Variants in TTLL11 observed in about 807,000 individuals in gnomAD.
TTLL11 encodes the protein tubulin tyrosine ligase like 11.
In TTLL11, 42 loss-of-function variants were observed where a neutral mutation model predicts 51.7. The observed-to-expected ratio is 0.81, with a 90% confidence interval of 0.64 to 1.05. The LOEUF is 1.05. TTLL11 is among the 50% of genes least tolerant of loss of function. The probability of loss-of-function intolerance (pLI) is 0.00; values close to 1 mark genes in which losing one functional copy is unlikely to be tolerated. For synonymous variants in TTLL11, 381 were observed against 383.5 expected, an observed-to-expected ratio of 0.99 and a Z score of 0.08; for missense variants, 799 against 940.4, an observed-to-expected ratio of 0.85 and a Z score of 1.97.
chr9:121,882,874 T>A (rs1186409075), intron 6 of TTLL11, among the ~76,000 whole-genome samples: 2 of 152,230 alleles, frequency 1.3e-5, no homozygotes, highest in African/African-American at 4.8e-5. Flanking sequence ...TAAATTTATA[T>A]CACAGTCATT....
At chr9:121,832,247 C>T (rs974766758) in intron 8 of TTLL11, among the ~76,000 whole-genome samples, 5 of 152,120 alleles carry the variant, frequency 3.3e-5, no homozygotes, top group Non-Finnish European at 7.4e-5. Context: ...CTCTTGGGGA[C>T]ACTCTCCTAC....
chr9:122,035,455 C>A (rs1454252591), intron 2 of TTLL11, among the ~76,000 whole-genome samples: 2 of 152,248 alleles, frequency 1.3e-5, no homozygotes, highest in African/African-American at 4.8e-5. Flanking sequence ...TTCAAGTTAA[C>A]TGACAGCATA....
chr9:121,856,313 T>G lies in TTLL11; in HGVS notation c.1840+4024A>C, dbSNP rs189898488. Among the ~76,000 whole-genome samples, 148 of 152,264 alleles carry G rather than the reference T, an allele frequency of 9.7e-4. 2 individuals are homozygous for G. The highest frequency in any genetic ancestry group is 9.0e-3 in the Admixed American group (137 of 15,298). On this transcript the variant is annotated intron_variant, in intron 8 of 8. Coordinates refer to ENST00000321582, the MANE Select transcript of TTLL11 (RefSeq NM_001139442.2). Reference sequence around the variant, plus strand: ...GTCTCGAACTCCTAGCCTCAAGTAGTCCTCCCATCTCAGCCTCCCAAAGTG... The same window carrying G: ...GTCTCGAACTCCTAGCCTCAAGTAGGCCTCCCATCTCAGCCTCCCAAAGTG...
Position 121,989,990 on chromosome 9 carries a change from G to A in TTLL11, c.694-220C>T, listed in dbSNP as rs1843064327. On this transcript the variant is annotated intron_variant, in intron 3 of 8. Transcript: ENST00000321582. The surrounding 1 kb of genome is among the most constrained non-coding windows in gnomAD (Gnocchi z 4.2). ...CTTGTGCTCCAGAGCGAGGTGGAGAGTGTAGTGGACTGGCAGTCACAAGAC... is the reference window on the plus strand; with the variant it reads ...CTTGTGCTCCAGAGCGAGGTGGAGAATGTAGTGGACTGGCAGTCACAAGAC... 6.6e-6 allele frequency among the ~76,000 whole-genome samples: 1 copy of A among 152,204 alleles called. No homozygotes were observed. Among genetic ancestry groups the A allele is most frequent in the Non-Finnish European group, 1.5e-5 (1 of 68,040 alleles).
chr9:121,826,537 G>GTA (rs1157615086), intron 8 of TTLL11, among the ~76,000 whole-genome samples: 754 of 46,972 alleles, frequency 0.016, 32 homozygotes, highest in East Asian at 0.047. Context: ...ATGTGTGTGT[G>GTA]TATATATATA....
At chr9:121,928,383 A>T (rs1840823829) in intron 6 of TTLL11, among the ~76,000 whole-genome samples, 1 of 151,854 alleles carries the variant, frequency 6.6e-6, no homozygotes, top group South Asian at 2.1e-4. Flanking sequence ...GGTAAAACAC[A>T]TATCCATCAC....
intron 6 of TTLL11, among the ~76,000 whole-genome samples, chr9:121,891,588 A>T (rs1306002167): frequency 6.6e-6 from 1 of 152,238 alleles, no homozygotes; most frequent in East Asian, 1.9e-4. Context: ...TTTTGGCAGC[A>T]TGCTCACTGA....
intron 1 of TTLL11, among the ~76,000 whole-genome samples, chr9:122,057,161 A>G (rs1470976574): frequency 6.6e-6 from 1 of 152,166 alleles, no homozygotes; most frequent in Non-Finnish European, 1.5e-5. Context: ...GTGTTCAGGG[A>G]GGATGGCATT....
chr9:121,826,542 T>TACACAC (rs1836799032), intron 8 of TTLL11, among the ~76,000 whole-genome samples: 1 of 58,604 alleles, frequency 1.7e-5, no homozygotes, highest in African/African-American at 1.1e-4. Flanking sequence ...TGTGTGTATA[T>TACACAC]ATATATATGT....
chr9:122,001,896 C>T (rs72765973), intron 3 of TTLL11, among the ~76,000 whole-genome samples: 7,133 of 152,222 alleles, frequency 0.047, 200 homozygotes, highest in African/African-American at 0.087. Context: ...AGGAGAAGCA[C>T]GAAGGTGTTG....
intron 8 of TTLL11, among the ~76,000 whole-genome samples, chr9:121,824,253 G>C (rs1387381020): frequency 2.0e-5 from 3 of 152,078 alleles, no homozygotes; most frequent in African/African-American, 7.2e-5. Flanking sequence ...GAGGTGGGCG[G>C]ATCACGAGGT....
intron 1 of TTLL11, among the ~76,000 whole-genome samples, chr9:122,070,693 T>C (rs776065758): frequency 1.4e-4 from 22 of 151,962 alleles, no homozygotes; most frequent in South Asian, 4.2e-4. Flanking sequence ...ACAAAAGGAA[T>C]GTGATGAAAG....
chr9:121,976,078 C>T (rs528386122), intron 4 of TTLL11, among the ~76,000 whole-genome samples: 1 of 152,142 alleles, frequency 6.6e-6, no homozygotes, highest in Non-Finnish European at 1.5e-5. Flanking sequence ...GACTACACAA[C>T]ATAAAAATGC....
intron 3 of TTLL11, among the ~76,000 whole-genome samples, chr9:122,005,067 A>C (rs898095235): frequency 1.3e-5 from 2 of 152,202 alleles, no homozygotes; most frequent in African/African-American, 4.8e-5. Flanking sequence ...AGAAAGGAGG[A>C]TGAGACACAG....
rs1307271216 is a variant in TTLL11, at chr9:121,819,496, C to T, written c.*3091G>A. 3.9e-5 allele frequency: 6 copies of T among 152,590 alleles called. No homozygotes were observed. The highest frequency in any genetic ancestry group is 2.1e-4 in the South Asian group (1 of 4,830). The allele number at this position is 152,590 out of a possible 1,614,324, so 9.5% of individuals were successfully genotyped here. A position where few individuals can be genotyped will look rare whatever the true frequency, so the allele number is the denominator to read the frequency against. On this transcript the variant is annotated 3_prime_UTR_variant, in exon 9 of 9. Transcript: ENST00000321582. ...ACAGGCTGAGCTTGATCTTCTTACC[C>T]GTTCATTCCAAGCCCCCGGAGTGCC...
chr9:121,826,469 A>G (rs985018444), intron 8 of TTLL11, among the ~76,000 whole-genome samples: 779 of 27,080 alleles, frequency 0.029, 28 homozygotes, highest in African/African-American at 0.058. Flanking sequence ...ATATGTGTGT[A>G]TATATATATA....
At chr9:121,980,270 T>C (rs931340420) in intron 4 of TTLL11, among the ~76,000 whole-genome samples, 11 of 152,262 alleles carry the variant, frequency 7.2e-5, no homozygotes, top group African/African-American at 2.6e-4. Context: ...CCAGTTCTAA[T>C]ACAAACACTG....
intron 6 of TTLL11, among the ~76,000 whole-genome samples, chr9:121,950,030 C>T (rs1841800769): frequency 6.6e-6 from 1 of 152,112 alleles, no homozygotes; most frequent in East Asian, 1.9e-4. Flanking sequence ...TTCACCTTTT[C>T]CCTATGACTA....
intron 6 of TTLL11, among the ~76,000 whole-genome samples, chr9:121,922,760 A>C (rs892114393): frequency 2.0e-5 from 3 of 148,222 alleles, no homozygotes; most frequent in Non-Finnish European, 4.5e-5. Flanking sequence ...ATATCTATTC[A>C]GTGTGTGTGT....
Sources: allele counts gnomAD v4.1 joint callset (sites outside exome capture counted in the v4.1 genomes callset), GRCh38; gene constraint gnomAD v4.1.1; non-coding constraint Gnocchi (gnomAD v3.1); transcripts MANE v1.5; gene names NCBI Gene and HGNC (gene_info 2026-07-23, HGNC 2026-07-21).